GHRHR: variants seen among roughly 807,000 people sequenced by gnomAD.
GHRHR encodes the protein growth hormone-releasing hormone receptor.
GHRHR carries 40 observed loss-of-function variants against 58.3 expected under a neutral mutation model. The observed-to-expected ratio is 0.69, with a 90% CI of 0.53 to 0.89. The LOEUF is 0.89. Among genes scored for constraint, GHRHR ranks in the 40% least tolerant of loss-of-function variants. The probability of loss-of-function intolerance (pLI) is 0.00; values close to 1 mark genes in which losing one functional copy is unlikely to be tolerated. For synonymous variants in GHRHR, 249 were observed against 216.6 expected (o/e 1.15, Z -1.31); for missense variants, 551 against 541.3 (o/e 1.02, Z -0.18).
At chr7:30,964,550 T>C (rs1295762714) in intron 1 of GHRHR, among the ~76,000 whole-genome samples, 1 of 152,234 alleles carries the variant, frequency 6.6e-6, no homozygotes, top group Non-Finnish European at 1.5e-5. Flanking sequence ...CACACGCTCC[T>C]GTGGTAAGCT....
chr7:30,974,453 C>A lies in GHRHR; in HGVS notation c.776C>A (p.Thr259Lys). The change falls in exon 8 of 13, where the codon ACG (threonine) becomes AAG (lysine). Residue 259 changes from threonine to lysine, a missense_variant. By Grantham distance (78) the Thr-to-Lys change is moderately conservative. Coordinates refer to ENST00000326139, the MANE Select transcript of GHRHR (RefSeq NM_000823.4). ...GWGLPVLFTGTWVSCKLAFED... is the reference protein window; with the variant it reads ...GWGLPVLFTGKWVSCKLAFED... ...GGGCTGCCCGTGCTCTTCACTGGCACGTGGGTGAGCTGCAAACTGGCCTTC... is the reference window on the plus strand; with the variant it reads ...GGGCTGCCCGTGCTCTTCACTGGCAAGTGGGTGAGCTGCAAACTGGCCTTC... The A allele has an allele frequency of 6.2e-7, 1 of 1,612,986 alleles. No homozygotes were observed. Among genetic ancestry groups the A allele is most frequent in the Admixed American group, 1.7e-5 (1 of 60,036 alleles).
At chr7:30,971,363 C>A in intron 5 of GHRHR, 147 bp downstream of exon 5, 7 of 693,888 alleles carry the variant, frequency 1.0e-5, no homozygotes, top group Admixed American at 2.0e-5. Flanking sequence ...TTTTCCCCAC[C>A]ATGTAGACCC....
At chr7:30,968,458 A>T (rs1244958874) in intron 1 of GHRHR, among the ~76,000 whole-genome samples, 1 of 152,140 alleles carries the variant, frequency 6.6e-6, no homozygotes, top group Non-Finnish European at 1.5e-5. Flanking sequence ...AAACCTAGGC[A>T]GACCTAGGTT....
chr7:30,975,889 G>A (rs1464299544), intron 10 of GHRHR, 21 bp downstream of exon 10: 5 of 1,362,020 alleles, frequency 3.7e-6, no homozygotes, highest in Non-Finnish European at 5.3e-6. Flanking sequence ...TTTGTGTCTG[G>A]GGATACTGGG....
chr7:30,972,893 C>G (rs960694989), intron 6 of GHRHR, among the ~76,000 whole-genome samples: 3 of 152,292 alleles, frequency 2.0e-5, no homozygotes, highest in Non-Finnish European at 4.4e-5. Context: ...TATTTTGTGC[C>G]AGGCATTGCA....
At chr7:30,976,070 T>C in intron 10 of GHRHR, 2 of 609,156 alleles carry the variant, frequency 3.3e-6, no homozygotes, top group South Asian at 1.9e-5. Flanking sequence ...CCAGCTCCCA[T>C]GCCAAATAGA....
intron 1 of GHRHR, 35 bp from the exon 2 acceptor site, chr7:30,968,799 A>G: frequency 6.8e-7 from 1 of 1,466,760 alleles, no homozygotes; most frequent in Non-Finnish European, 9.6e-7. Flanking sequence ...AGACACCCAA[A>G]TGGCTTGGCT....
At chr7:30,975,657 C>A (rs1197348485) in intron 9 of GHRHR, 120 bp from the exon 10 acceptor site, 13 of 712,870 alleles carry the variant, frequency 1.8e-5, no homozygotes, top group Non-Finnish European at 3.4e-5. Context: ...CATTCACCTG[C>A]ACATTCTCAC....
intron 6 of GHRHR, 100 bp downstream of exon 6, chr7:30,972,195 G>T: frequency 7.4e-7 from 1 of 1,350,926 alleles, no homozygotes; most frequent in Non-Finnish European, 1.0e-6. Context: ...CCTGTGGGCT[G>T]ACCCTGGGGC....
chr7:30,979,052 T>C, intron 12 of GHRHR, 67 bp from the exon 13 acceptor site: 2 of 1,486,830 alleles, frequency 1.3e-6, no homozygotes, highest in African/African-American at 2.8e-5. Context: ...TGCACCTTAG[T>C]CTCATTGGGG....
rs1363434042 is a variant in GHRHR at position 30,971,037 on chromosome 7, G to C, written c.367-82G>C. 98 of 730,608 alleles carry C rather than the reference G, an allele frequency of 1.3e-4. 6 individuals carry two copies. Among genetic ancestry groups the C allele is most frequent in the South Asian group, 1.3e-3 (89 of 67,848 alleles). The allele number at this position is 730,608 out of a possible 1,614,324, so 45.3% of individuals were successfully genotyped here. On this transcript the variant is annotated intron_variant, in intron 4 of 12. Transcript: ENST00000326139. ...GGAGTGTTGGGGTGGAATGGCAAAG[G>C]CTTCACCTGCTTGATTGTCAAGCCT...
At chr7:30,976,579 T>C (rs1792589920) in intron 11 of GHRHR, 21 bp downstream of exon 11, 1 of 1,610,178 alleles carries the variant, frequency 6.2e-7, no homozygotes, top group South Asian at 1.1e-5. Context: ...CCACAGGCAC[T>C]CTTTCTTTCC....
chr7:30,966,417 T>C (rs542538003), intron 1 of GHRHR, among the ~76,000 whole-genome samples: 1 of 149,296 alleles, frequency 6.7e-6, no homozygotes, highest in African/African-American at 2.4e-5. Context: ...GTGGGGGCCA[T>C]GGGGAGAGAA....
chr7:30,974,324 C>A, intron 7 of GHRHR, 105 bp from the exon 8 acceptor site: 1 of 1,110,032 alleles, frequency 9.0e-7, no homozygotes, highest in Non-Finnish European at 1.4e-6. Context: ...CTGGCCCTGC[C>A]TTTGCAGTGC....
chr7:30,964,661 G>A lies in GHRHR; in HGVS notation c.57+536G>A, dbSNP rs180950314. On this transcript the variant is annotated intron_variant, in intron 1 of 12. Coordinates refer to ENST00000326139, the MANE Select transcript of GHRHR (RefSeq NM_000823.4). ...CCAGGGAAGGAATGGAACCTAAGGA[G>A]TTGGTGGAGACCAGCTGCTTCTGCT... is the stretch of plus-strand genomic sequence containing the variant. Among the ~76,000 whole-genome samples, 5 of 152,334 alleles carry A rather than the reference G, an allele frequency of 3.3e-5. No homozygotes were observed. In the East Asian group the frequency reaches 9.7e-4, roughly 29 times the overall value.
Position 30,979,337 on chromosome 7 carries a change from AC to A in GHRHR, c.*97del. 2 of 1,316,486 alleles carry A rather than the reference AC, an allele frequency of 1.5e-6. No individual in the cohort carries two copies. Among genetic ancestry groups the A allele is most frequent in the Non-Finnish European group, 2.1e-6 (2 of 935,972 alleles). The allele number at this position is 1,316,486 out of a possible 1,614,324, so 81.6% of individuals were successfully genotyped here. A position where few individuals can be genotyped will look rare whatever the true frequency, so the allele number is the denominator to read the frequency against. ...GGAGGAGCAAGGGGGCCACATCCCC[AC>A]CCCAGCTGTTACCCAGCCCGGGGCA... On this transcript the variant is annotated 3_prime_UTR_variant, in exon 13 of 13. Transcript: ENST00000326139.
intron 5 of GHRHR, 136 bp from the exon 6 acceptor site, chr7:30,971,827 T>C: frequency 1.2e-6 from 1 of 812,108 alleles, no homozygotes; most frequent in Non-Finnish European, 2.1e-6. Flanking sequence ...AGCCTCAAGT[T>C]CAGCTCAATT....
rs536688357 is a variant in GHRHR at position 30,975,136 on chromosome 7, G to A, written c.882+96G>A. The A allele has an allele frequency of 4.9e-5, 43 of 882,118 alleles. 1 individual carries two copies. The South Asian group carries it at 5.6e-4, about 11-fold the overall frequency. 54.6% of individuals were successfully genotyped at this position (882,118 alleles called of 1,614,324 possible). On this transcript the variant is annotated intron_variant, in intron 9 of 12. Coordinates refer to ENST00000326139, the MANE Select transcript of GHRHR (RefSeq NM_000823.4). ...AGCAGGAAATGCAACTCCAGGCTGG[G>A]TGTCTTGAAAACTGGGCTCCAGCCT...
chr7:30,975,540 G>GC (rs1366375300), intron 9 of GHRHR, among the ~76,000 whole-genome samples: 1 of 152,160 alleles, frequency 6.6e-6, no homozygotes, highest in Admixed American at 6.5e-5. Context: ...AGGCCTGATC[G>GC]CCCCCCTTGA....
Sources: gnomAD v4.1 joint callset for allele counts (sites outside exome capture counted in the v4.1 genomes callset) on GRCh38, gnomAD v4.1.1 for gene constraint, MANE v1.5 for transcripts, NCBI Gene and HGNC (gene_info 2026-07-23, HGNC 2026-07-21) for gene names.